FBXO10: variants seen among roughly 807,000 people sequenced by gnomAD.
The protein encoded by FBXO10 is F-box only protein 10.
A neutral mutation model predicts 80.7 loss-of-function variants in FBXO10; 39 were observed. The ratio of observed to expected loss-of-function variants is 0.48; its 90% confidence interval spans 0.37 to 0.63. The LOEUF is 0.63. Ranked by LOEUF, FBXO10 falls within the 30% of genes least tolerant of loss-of-function variation. The pLI is 0.00. For synonymous variants in FBXO10, 449 were observed against 489.6 expected (o/e 0.92, Z 1.09); for missense variants, 1,025 against 1,269.0 (o/e 0.81, Z 2.92).
intron 1 of FBXO10, among the ~76,000 whole-genome samples, chr9:37,546,419 C>G (rs1822057155): frequency 6.6e-6 from 1 of 152,104 alleles, no homozygotes; most frequent in South Asian, 2.1e-4. Flanking sequence ...ATGTACAGGG[C>G]AAGACTTCAT....
chr9:37,561,212 C>G (rs1571233), intron 1 of FBXO10, among the ~76,000 whole-genome samples: 8,710 of 144,284 alleles, frequency 0.06, 328 homozygotes, highest in South Asian at 0.17. Flanking sequence ...TGAGGTCTCT[C>G]TGTGTTGCCC....
intron 5 of FBXO10, among the ~76,000 whole-genome samples, chr9:37,526,691 G>A (rs1339283865): frequency 6.6e-6 from 1 of 152,052 alleles, no homozygotes; most frequent in African/African-American, 2.4e-5. Flanking sequence ...GAGGCTCCGG[G>A]GAGAATCCAC....
At position 37,516,057 on chromosome 9, in the gene FBXO10, C is replaced by T. The variant is rs764607476; in HGVS notation, c.2543G>A (p.Arg848Gln). 2.4e-5 allele frequency: 39 copies of T among 1,613,066 alleles called. No homozygotes were observed. The highest frequency in any genetic ancestry group is 9.9e-5 in the South Asian group (9 of 91,030). Residue 848 changes from arginine (R) to glutamine (Q), a missense_variant, in exon 10 of 11, where the codon CGG (arginine) becomes CAG (glutamine). Around this residue, in one of 3 missense-constraint regions of FBXO10, gnomAD observed 478 missense variants for 667.8 expected, o/e 0.72. Transcript: ENST00000432825. ...KVIKNRIHSF[R>Q]AYGIAVRGRA... is the part of the protein sequence containing the mutation. ...GCCCCGCACGGCGATGCCGTAGGCC[C>T]GGAACGAGTGGATCCGGTTCTTTAT...
rs565794755 is a variant in FBXO10, at chr9:37,551,972, A to G, written c.-6-10198T>C. ...TAGCTTTCTCTCCTTTCTGCCTTCT[A>G]CAGAGTCCTAGGACACAGACATTGA... On this transcript the variant is annotated intron_variant, in intron 1 of 10. Transcript: ENST00000432825. Among the ~76,000 whole-genome samples the G allele has an allele frequency of 2.0e-3, 302 of 152,304 alleles. 1 individual carries two copies. The highest frequency in any genetic ancestry group is 6.8e-3 in the African/African-American group (281 of 41,558).
chr9:37,525,231 C>T, intron 5 of FBXO10, 59 bp from the exon 6 acceptor site: 7 of 1,458,772 alleles, frequency 4.8e-6, no homozygotes, highest in Non-Finnish European at 6.6e-6. Context: ...GTCATGCTTC[C>T]AGGAGACTGC....
intron 4 of FBXO10, among the ~76,000 whole-genome samples, chr9:37,529,698 G>A (rs777773262): frequency 1.3e-5 from 2 of 152,242 alleles, no homozygotes; most frequent in Non-Finnish European, 2.9e-5. Context: ...CACATCCAGA[G>A]AGGGGTCACA....
chr9:37,552,946 G>T (rs1822239400), intron 1 of FBXO10, among the ~76,000 whole-genome samples: 1 of 152,028 alleles, frequency 6.6e-6, no homozygotes, highest in Non-Finnish European at 1.5e-5. Flanking sequence ...TTGCATTGGG[G>T]ATTAGGTTTC....
At chr9:37,575,238 CAT>C (rs1229898635) in intron 1 of FBXO10, among the ~76,000 whole-genome samples, 3 of 152,174 alleles carry the variant, frequency 2.0e-5, no homozygotes, top group Admixed American at 1.3e-4. Flanking sequence ...CAGCCTGACT[CAT>C]ATGGTAGGAA....
At chr9:37,536,171 G>A (rs2119109771) in intron 3 of FBXO10, 1 of 152,342 alleles carries the variant, frequency 6.6e-6, no homozygotes, top group South Asian at 2.1e-4. Context: ...ACACTCATGA[G>A]TGACCTTTGT....
chr9:37,561,547 C>T (rs973703053), intron 1 of FBXO10, among the ~76,000 whole-genome samples: 5 of 152,208 alleles, frequency 3.3e-5, no homozygotes, highest in Non-Finnish European at 4.4e-5. Flanking sequence ...GACTTCAGCA[C>T]GTCCTTGAAC....
At chr9:37,519,500 G>C (rs1419038756) in intron 8 of FBXO10, among the ~76,000 whole-genome samples, 1 of 152,102 alleles carries the variant, frequency 6.6e-6, no homozygotes, top group Non-Finnish European at 1.5e-5. Flanking sequence ...GGGCAGTGCT[G>C]GGGGAGGTTG....
At chr9:37,558,117 G>C (rs192829435) in intron 1 of FBXO10, among the ~76,000 whole-genome samples, 1 of 152,148 alleles carries the variant, frequency 6.6e-6, no homozygotes, top group African/African-American at 2.4e-5. Flanking sequence ...CATATACTGC[G>C]CACTTTCTGA....
intron 2 of FBXO10, among the ~76,000 whole-genome samples, chr9:37,538,194 A>G (rs1821822742): frequency 1.3e-5 from 2 of 152,048 alleles, no homozygotes; most frequent in Admixed American, 1.3e-4. Flanking sequence ...CAAGTAGATG[A>G]TGGCAGAAAA....
At chr9:37,573,878 T>C (rs1489509469) in intron 1 of FBXO10, among the ~76,000 whole-genome samples, 2 of 65,214 alleles carry the variant, frequency 3.1e-5, no homozygotes, top group Non-Finnish European at 3.0e-5. Context: ...TAATAATCAC[T>C]AAACTAAAAG....
At chr9:37,550,849 T>C (rs1272856790) in intron 1 of FBXO10, among the ~76,000 whole-genome samples, 1 of 152,200 alleles carries the variant, frequency 6.6e-6, no homozygotes, top group African/African-American at 2.4e-5. Flanking sequence ...TTCATGTTCT[T>C]CTCACATGCA....
At chr9:37,544,376 T>C (rs2119135730) in intron 1 of FBXO10, among the ~76,000 whole-genome samples, 1 of 152,230 alleles carries the variant, frequency 6.6e-6, no homozygotes, top group South Asian at 2.1e-4. Flanking sequence ...GAGGTTGCAG[T>C]GAGCCAAGAT....
chr9:37,529,385 G>A (rs1821559821), intron 4 of FBXO10, 125 bp from the exon 5 acceptor site: 6 of 1,033,164 alleles, frequency 5.8e-6, no homozygotes, highest in African/African-American at 1.6e-5. Context: ...CACTGTAAGA[G>A]CCCTAGCCCG....
rs747890912 is a variant in FBXO10 at position 37,516,030 on chromosome 9, C to T, written c.2570G>A (p.Arg857His). 1.1e-5 allele frequency: 18 copies of T among 1,613,882 alleles called. No individual in the cohort carries two copies. The highest frequency in any genetic ancestry group is 8.0e-5 in the African/African-American group (6 of 74,930). The change falls in exon 10 of 11, where the codon CGT becomes CAT. Residue 857 changes from arginine to histidine, a missense_variant. Transcript: ENST00000432825. ...FRAYGIAVRGRAKALVQENII... is the reference protein window; with the variant it reads ...FRAYGIAVRGHAKALVQENII... ...GTTTTCCTGCACCAGGGCCTTGGCA[C>T]GGCCCCGCACGGCGATGCCGTAGGC...
chr9:37,540,481 A>G (rs1821883189), intron 2 of FBXO10, among the ~76,000 whole-genome samples: 1 of 152,030 alleles, frequency 6.6e-6, no homozygotes, highest in South Asian at 2.1e-4. Flanking sequence ...CTGGCCAAAA[A>G]TCTTTTATTT....
Sources: gnomAD v4.1 joint callset for allele counts (sites outside exome capture counted in the v4.1 genomes callset) on GRCh38, gnomAD v4.1.1 for gene constraint, gnomAD v4.1.1 regional missense constraint, MANE v1.5 for transcripts, NCBI Gene and HGNC (gene_info 2026-07-23, HGNC 2026-07-21) for gene names.